Variants in NCBP3 observed in about 807,000 individuals in gnomAD.
NCBP3 encodes the protein nuclear cap binding subunit 3.
NCBP3 carries 20 observed loss-of-function variants against 75.7 expected under a neutral mutation model. The ratio of observed to expected loss-of-function variants is 0.26; its 90% CI spans 0.19 to 0.38. The LOEUF is 0.38. Ranked by LOEUF, NCBP3 falls within the 10% of genes least tolerant of loss-of-function variation. The pLI, the probability that NCBP3 is intolerant of heterozygous loss-of-function variation, is 1.00. For synonymous variants in NCBP3, 293 were observed against 290.5 expected, an observed-to-expected ratio of 1.01 and a Z score of -0.09; for missense variants, 678 against 796.9, an observed-to-expected ratio of 0.85 and a Z score of 1.80.
chr17:3,841,142 A>G (rs113745236), intron 2 of NCBP3, among the ~76,000 whole-genome samples: 2,019 of 152,160 alleles, frequency 0.013, 39 homozygotes, highest in African/African-American at 0.043. Flanking sequence ...ACGCCCAGCT[A>G]ATTTTTGTAT....
chr17:3,825,357 C>T (rs537142156), intron 6 of NCBP3, among the ~76,000 whole-genome samples: 21 of 152,258 alleles, frequency 1.4e-4, no homozygotes, highest in Non-Finnish European at 2.8e-4. Context: ...AGGGCCAGGA[C>T]TTTGTTTTGC....
intron 3 of NCBP3, among the ~76,000 whole-genome samples, chr17:3,838,606 C>T (rs1049517920): frequency 2.0e-5 from 3 of 152,190 alleles, no homozygotes; most frequent in African/African-American, 7.2e-5. Flanking sequence ...CAATATCAGT[C>T]GATAGCACCA....
In NCBP3 at chr17:3,813,010, G is replaced by A. The variant is rs773436702; in HGVS notation, c.*34C>T. ...CGCCCCACCCTGTGCAAGAATGTCA[G>A]GCTTTAGGGCAGCTGCCATAGGCCC... On this transcript the variant is annotated 3_prime_UTR_variant, in exon 13 of 13. Coordinates refer to ENST00000389005, the MANE Select transcript of NCBP3 (RefSeq NM_001114118.3). 4.3e-5 allele frequency: 70 copies of A among 1,612,738 alleles called. No individual in the cohort carries two copies. The highest frequency in any genetic ancestry group is 8.3e-5 in the Admixed American group (5 of 59,898).
At chr17:3,835,490 T>C (rs1395565747) in intron 3 of NCBP3, among the ~76,000 whole-genome samples, 2 of 152,274 alleles carry the variant, frequency 1.3e-5, no homozygotes, top group Non-Finnish European at 2.9e-5. Flanking sequence ...GTTGAGCGAA[T>C]GGGCAGCAAG....
At chr17:3,829,391 A>G in intron 3 of NCBP3, 23 bp from the exon 4 acceptor site, 1 of 1,550,020 alleles carries the variant, frequency 6.5e-7, no homozygotes, top group African/African-American at 1.4e-5. Context: ...GACACAGAAA[A>G]GATGATAGAA....
rs951988671 is a variant in NCBP3 at position 3,803,165 on chromosome 17, G to A, written c.*9879C>T. On this transcript the variant is annotated 3_prime_UTR_variant, in exon 13 of 13. Coordinates refer to ENST00000389005, the MANE Select transcript of NCBP3 (RefSeq NM_001114118.3). The stretch of plus-strand genomic sequence containing the variant: ...ACACATAACCAAAAGACATGTGAAT[G>A]TGGTTTCCCAACTCACTTTAAACAA... 1 of 152,256 alleles carries A rather than the reference G, an allele frequency of 6.6e-6. No individual in the cohort carries two copies. Among genetic ancestry groups the A allele is most frequent in the African/African-American group, 2.4e-5 (1 of 41,464 alleles). The allele number at this position is 152,256 out of a possible 1,614,324, so 9.4% of individuals were successfully genotyped here. A position where few individuals can be genotyped will look rare whatever the true frequency, so the allele number is the denominator to read the frequency against.
intron 1 of NCBP3, among the ~76,000 whole-genome samples, chr17:3,843,713 AT>A (rs1291853988): frequency 6.6e-6 from 1 of 151,992 alleles, no homozygotes; most frequent in African/African-American, 2.4e-5. Flanking sequence ...CCGCCAGCTA[AT>A]TTTTTTATTT....
intron 2 of NCBP3, among the ~76,000 whole-genome samples, chr17:3,840,837 G>A (rs1387112628): frequency 2.0e-5 from 3 of 152,232 alleles, no homozygotes; most frequent in Middle Eastern, 3.4e-3. Context: ...TCGTGTCCAC[G>A]GAATCACCAG....
chr17:3,845,964 A>C lies in NCBP3; in HGVS notation c.183+77T>G, dbSNP rs986984665. On this transcript the variant is annotated intron_variant, in intron 1 of 12. Coordinates refer to ENST00000389005, the MANE Select transcript of NCBP3 (RefSeq NM_001114118.3). ...GACTTCCCCGGCTGGGGCTCCGGCC[A>C]CCGCCCCTTCCGGCCCCCTCCGGCG... 1.1e-5 allele frequency: 16 copies of C among 1,446,956 alleles called. No homozygotes were observed. The African/African-American group carries it at 2.4e-4, about 21-fold the overall frequency. 89.6% of individuals were successfully genotyped at this position (1,446,956 alleles called of 1,614,324 possible).
chr17:3,844,388 T>C (rs1405564063), intron 1 of NCBP3, among the ~76,000 whole-genome samples: 1 of 152,046 alleles, frequency 6.6e-6, no homozygotes, highest in Non-Finnish European at 1.5e-5. Flanking sequence ...CCTGGACCCA[T>C]CCCAGAGCCT....
At position 3,812,391 on chromosome 17, in the gene NCBP3, A is replaced by C; in HGVS notation, c.*653T>G. 1 of 500,232 alleles carries C rather than the reference A, an allele frequency of 2.0e-6. No individual in the cohort carries two copies. The highest frequency in any genetic ancestry group is 2.6e-6 in the Non-Finnish European group (1 of 386,062). The allele number at this position is 500,232 out of a possible 1,614,324, so 31.0% of individuals were successfully genotyped here. Reference sequence around the variant, plus strand: ...TGTTCCTAAAAATCCCACAGCACTGAACTTGATCTTCACATCAAGCTGACA... The same window carrying C: ...TGTTCCTAAAAATCCCACAGCACTGCACTTGATCTTCACATCAAGCTGACA... On this transcript the variant is annotated 3_prime_UTR_variant, in exon 13 of 13. Transcript: ENST00000389005.
In NCBP3 at chr17:3,814,244, G is replaced by T. The variant is rs1224006489; in HGVS notation, c.1627+78C>A. The T allele has an allele frequency of 3.1e-5, 46 of 1,464,146 alleles. 1 individual carries two copies. In the South Asian group the frequency reaches 5.0e-4, roughly 16 times the overall value. The allele number at this position is 1,464,146 out of a possible 1,614,324, so 90.7% of individuals were successfully genotyped here. On this transcript the variant is annotated intron_variant, in intron 12 of 12. Coordinates refer to ENST00000389005, the MANE Select transcript of NCBP3 (RefSeq NM_001114118.3). ...TGGGCTGTTTCTTGCCTTCTGCTAA[G>T]AAAGTATTTCTCCAATACACCCACT...
intron 9 of NCBP3, among the ~76,000 whole-genome samples, chr17:3,820,803 T>C (rs1288356020): frequency 6.6e-6 from 1 of 152,030 alleles, no homozygotes; most frequent in African/African-American, 2.4e-5. Context: ...TGGTGGCGCA[T>C]GCCTGTAGTC....
At chr17:3,814,158 A>G (rs1323839415) in intron 12 of NCBP3, among the ~76,000 whole-genome samples, 164 bp downstream of exon 12, 1 of 151,236 alleles carries the variant, frequency 6.6e-6, no homozygotes, top group Non-Finnish European at 1.5e-5. Context: ...TGTTGGGATG[A>G]TGCTGATGCT....
intron 8 of NCBP3, 60 bp from the exon 9 acceptor site, chr17:3,821,412 A>C: frequency 7.5e-7 from 1 of 1,330,194 alleles, no homozygotes; most frequent in African/African-American, 1.5e-5. Context: ...CTTGAAATCC[A>C]CTATTTCTTT....
intron 7 of NCBP3, chr17:3,824,600 C>CTGA (rs2053749713): frequency 1.1e-5 from 2 of 182,960 alleles, no homozygotes; most frequent in Middle Eastern, 2.6e-3. Context: ...CCGAATGGTA[C>CTGA]ACTGGCAATG....
chr17:3,836,938 C>CAGG (rs917129719), intron 3 of NCBP3, among the ~76,000 whole-genome samples: 1 of 151,678 alleles, frequency 6.6e-6, no homozygotes, highest in African/African-American at 2.4e-5. Context: ...ATCACAAGGT[C>CAGG]AGGAGATCGA....
chr17:3,830,101 C>A (rs1031827676), intron 3 of NCBP3, among the ~76,000 whole-genome samples: 2 of 152,100 alleles, frequency 1.3e-5, no homozygotes, highest in Non-Finnish European at 2.9e-5. Flanking sequence ...CTTACTTCCC[C>A]GGCTGGTGGG....
chr17:3,814,608 G>GCC, intron 11 of NCBP3, 125 bp from the exon 12 acceptor site: 4 of 907,616 alleles, frequency 4.4e-6, no homozygotes, highest in Non-Finnish European at 6.6e-6. Context: ...TGACAATCAG[G>GCC]CTGCTAAGTA....
Sources: gnomAD v4.1 joint callset for allele counts (sites outside exome capture counted in the v4.1 genomes callset) on GRCh38, gnomAD v4.1.1 for gene constraint, MANE v1.5 for transcripts, NCBI Gene and HGNC (gene_info 2026-07-23, HGNC 2026-07-21) for gene names.